PTGFRN: variants seen among roughly 807,000 people sequenced by gnomAD.
PTGFRN encodes the protein prostaglandin F2 receptor negative regulator.
In PTGFRN, 35 loss-of-function variants were observed where a neutral mutation model predicts 83.2. The observed-to-expected ratio is 0.42, with a 90% CI of 0.32 to 0.56. PTGFRN has a LOEUF of 0.56. Among genes scored for constraint, PTGFRN ranks in the 20% least tolerant of loss-of-function variants. The pLI, the probability that PTGFRN is intolerant of heterozygous loss-of-function variation, is 0.11. For missense variants in PTGFRN, 1,051 were observed against 1,179.5 expected, an observed-to-expected ratio of 0.89 and a Z score of 1.60; for synonymous variants, 519 against 498.6, an observed-to-expected ratio of 1.04 and a Z score of -0.55.
At chr1:116,910,275 G>A (rs1212775481) in intron 1 of PTGFRN, 23 bp downstream of exon 1, 13 of 1,399,598 alleles carry the variant, frequency 9.3e-6, no homozygotes, top group Non-Finnish European at 1.2e-5. Context: ...GGGGCTCAGC[G>A]GGGCACACGG....
At chr1:116,933,001 A>G (rs1040472611) in intron 1 of PTGFRN, among the ~76,000 whole-genome samples, 1 of 152,172 alleles carries the variant, frequency 6.6e-6, no homozygotes, top group Non-Finnish European at 1.5e-5. Flanking sequence ...TCTGTGGATT[A>G]AGACAATTTG....
intron 1 of PTGFRN, among the ~76,000 whole-genome samples, chr1:116,930,405 ATCGAC>A (rs916135228): frequency 7.9e-5 from 12 of 152,106 alleles, no homozygotes; most frequent in African/African-American, 2.7e-4. Context: ...CGATGGTGTC[ATCGAC>A]TCCCACGTCT....
chr1:116,925,399 C>T lies in PTGFRN; in HGVS notation c.49+15147C>T, dbSNP rs1459177669. ...CTGAGATTGTGCCACTGCACTCCAG[C>T]CTGGGCGACAGAGAGAGACTCCCTC... On this transcript the variant is annotated intron_variant, in intron 1 of 8. Coordinates refer to ENST00000393203, the MANE Select transcript of PTGFRN (RefSeq NM_020440.4). 4.6e-5 allele frequency among the ~76,000 whole-genome samples: 7 copies of T among 151,792 alleles called. No individual in the cohort carries two copies. The East Asian group carries it at 1.4e-3, about 29-fold the overall frequency.
chr1:116,932,492 T>G (rs982526093), intron 1 of PTGFRN, among the ~76,000 whole-genome samples: 1 of 152,202 alleles, frequency 6.6e-6, no homozygotes, highest in Admixed American at 6.5e-5. Context: ...TCCTGTATGA[T>G]TTTGGAATAA....
intron 4 of PTGFRN, among the ~76,000 whole-genome samples, chr1:116,953,079 G>A (rs1650390198): frequency 6.6e-6 from 1 of 152,186 alleles, no homozygotes; most frequent in African/African-American, 2.4e-5. Flanking sequence ...AACTCTGCCC[G>A]AAGTACCAGA....
chr1:116,962,546 G>A (rs1043515604), intron 5 of PTGFRN: 1 of 152,626 alleles, frequency 6.6e-6, no homozygotes. Flanking sequence ...GTGCAGCCAA[G>A]GTGGCGAACT....
chr1:116,921,173 G>A (rs905570551), intron 1 of PTGFRN, among the ~76,000 whole-genome samples: 4 of 152,176 alleles, frequency 2.6e-5, no homozygotes, highest in African/African-American at 9.7e-5. Flanking sequence ...TGGCTACTTT[G>A]AGGTGCTACT....
At position 116,952,143 on chromosome 1, in the gene PTGFRN, A is replaced by G. The variant is rs1224840579; in HGVS notation, c.1213+2571A>G. ...CTGTGTGCCAGGCACTGGACTAAGG[A>G]CCTTATATGCATTAAATGTTCAATG... On this transcript the variant is annotated intron_variant, in intron 4 of 8. Transcript: ENST00000393203. The surrounding 1 kb of genome is among the most constrained non-coding windows in gnomAD (Gnocchi z 4.0). Among the ~76,000 whole-genome samples the G allele has an allele frequency of 1.3e-5, 2 of 152,198 alleles. No individual in the cohort carries two copies. The highest frequency in any genetic ancestry group is 4.8e-5 in the African/African-American group (2 of 41,434).
chr1:116,960,133 T>C (rs142942663), intron 4 of PTGFRN, among the ~76,000 whole-genome samples: 1 of 152,308 alleles, frequency 6.6e-6, no homozygotes, highest in Non-Finnish European at 1.5e-5. Flanking sequence ...CTAACTGGCA[T>C]ACAAAAGTGC....
At chr1:116,938,383 G>A (rs1297240548) in intron 1 of PTGFRN, among the ~76,000 whole-genome samples, 1 of 152,224 alleles carries the variant, frequency 6.6e-6, no homozygotes, top group Non-Finnish European at 1.5e-5. Flanking sequence ...GGCTGAGGAA[G>A]CCTCACAATC....
At chr1:116,957,127 T>TTC (rs368975757) in intron 4 of PTGFRN, among the ~76,000 whole-genome samples, 65 of 136,348 alleles carry the variant, frequency 4.8e-4, no homozygotes, top group African/African-American at 1.7e-3. Flanking sequence ...CTCTCTCTCT[T>TTC]TCTCTCTCTC....
chr1:116,933,847 A>T (rs1649857336), intron 1 of PTGFRN, among the ~76,000 whole-genome samples: 1 of 152,062 alleles, frequency 6.6e-6, no homozygotes, highest in East Asian at 1.9e-4. Context: ...TTTTGCTATG[A>T]TTTACCTAGG....
At chr1:116,931,176 C>T (rs1480305441) in intron 1 of PTGFRN, among the ~76,000 whole-genome samples, 1 of 152,196 alleles carries the variant, frequency 6.6e-6, no homozygotes, top group African/African-American at 2.4e-5. Flanking sequence ...CGTTGGAGCA[C>T]TTTGGATTTT....
chr1:116,983,988 T>G (rs1651392466), intron 7 of PTGFRN, among the ~76,000 whole-genome samples: 1 of 152,218 alleles, frequency 6.6e-6, no homozygotes, highest in Non-Finnish European at 1.5e-5. Flanking sequence ...TATTAATTTA[T>G]TTGAGGCTGT....
At chr1:116,950,357 G>A (rs1013095193) in intron 4 of PTGFRN, among the ~76,000 whole-genome samples, 2 of 152,218 alleles carry the variant, frequency 1.3e-5, no homozygotes, top group Non-Finnish European at 2.9e-5. Flanking sequence ...ATGGGGTCAA[G>A]CTGGGTGTGG....
At chr1:116,933,355 A>T (rs1264684480) in intron 1 of PTGFRN, among the ~76,000 whole-genome samples, 1 of 151,982 alleles carries the variant, frequency 6.6e-6, no homozygotes, top group Non-Finnish European at 1.5e-5. Flanking sequence ...CACTTCCAGG[A>T]TAATGAAAGA....
At chr1:116,911,947 T>C (rs936635128) in intron 1 of PTGFRN, among the ~76,000 whole-genome samples, 4 of 152,244 alleles carry the variant, frequency 2.6e-5, no homozygotes, top group Admixed American at 2.6e-4. Flanking sequence ...TTTGCACAGA[T>C]GGTGCACTGT....
At chr1:116,948,277 G>T (rs1037267942) in intron 3 of PTGFRN, among the ~76,000 whole-genome samples, 14 of 152,214 alleles carry the variant, frequency 9.2e-5, no homozygotes, top group African/African-American at 2.7e-4. Context: ...ATGTTTCCAT[G>T]TGAAAGCTTT....
At chr1:116,960,954 G>A (rs1331722637) in intron 4 of PTGFRN, among the ~76,000 whole-genome samples, 2 of 152,134 alleles carry the variant, frequency 1.3e-5, no homozygotes, top group East Asian at 1.9e-4. Flanking sequence ...GAAACTGACA[G>A]CAGACCCCAG....
Sources: gnomAD v4.1 joint callset for allele counts (sites outside exome capture counted in the v4.1 genomes callset) on GRCh38, gnomAD v4.1.1 for gene constraint, Gnocchi (gnomAD v3.1) non-coding constraint, MANE v1.5 for transcripts, NCBI Gene and HGNC (gene_info 2026-07-23, HGNC 2026-07-21) for gene names.